The following PKNOX2 variants were observed in gnomAD, a reference collection of about 807,000 sequenced individuals.
PKNOX2 encodes PBX/knotted 1 homeobox 2.
Under a neutral mutation model 53.1 loss-of-function variants are expected in PKNOX2, and 14 were observed. The observed-to-expected ratio is 0.26, with a 90% confidence interval of 0.17 to 0.41. The LOEUF is 0.41. Ranked by LOEUF, PKNOX2 falls within the 10% of genes least tolerant of loss-of-function variation. PKNOX2 has a pLI of 1.00. For missense variants in PKNOX2, 496 were observed against 602.8 expected, an observed-to-expected ratio of 0.82 and a Z score of 1.85; for synonymous variants, 257 against 242.8, an observed-to-expected ratio of 1.06 and a Z score of -0.54.
intron 1 of PKNOX2, among the ~76,000 whole-genome samples, chr11:125,214,230 A>G (rs1324515694): frequency 6.6e-6 from 1 of 151,976 alleles, no homozygotes; most frequent in Non-Finnish European, 1.5e-5. Flanking sequence ...CTGTCATCTG[A>G]GTGGGCTCCA....
At chr11:125,244,618 A>T (rs902365911) in intron 2 of PKNOX2, among the ~76,000 whole-genome samples, 2 of 152,142 alleles carry the variant, frequency 1.3e-5, no homozygotes, top group African/African-American at 4.8e-5. Flanking sequence ...GAGGCTTTTC[A>T]TTACCAAATG....
chr11:125,399,791 C>T (rs1954626919), intron 7 of PKNOX2, among the ~76,000 whole-genome samples: 2 of 152,144 alleles, frequency 1.3e-5, no homozygotes, highest in Admixed American at 1.3e-4. Context: ...GCTGGGGGTG[C>T]ACCAGGGTAG....
intron 6 of PKNOX2, among the ~76,000 whole-genome samples, chr11:125,386,623 T>G (rs1953650414): frequency 6.6e-6 from 1 of 152,094 alleles, no homozygotes; most frequent in South Asian, 2.1e-4. Context: ...GATAGTGCTA[T>G]CCTCTTGCAT....
chr11:125,341,560 C>T (rs1223204790), intron 3 of PKNOX2, among the ~76,000 whole-genome samples: 2 of 152,184 alleles, frequency 1.3e-5, no homozygotes, highest in Non-Finnish European at 2.9e-5. Flanking sequence ...CAAGATGGGA[C>T]ATGCGGGTGA....
chr11:125,416,481 C>G (rs1435484038), intron 10 of PKNOX2, among the ~76,000 whole-genome samples: 3 of 151,824 alleles, frequency 2.0e-5, no homozygotes, highest in Admixed American at 6.6e-5. Context: ...CTTTTGAAAG[C>G]TTTCTACTTA....
At chr11:125,374,987 G>A (rs1171890694) in intron 5 of PKNOX2, among the ~76,000 whole-genome samples, 1 of 152,150 alleles carries the variant, frequency 6.6e-6, no homozygotes, top group Non-Finnish European at 1.5e-5. Context: ...GGCCATGAAG[G>A]TTCATATGGC....
At chr11:125,223,189 C>T (rs1318031332) in intron 1 of PKNOX2, among the ~76,000 whole-genome samples, 2 of 152,012 alleles carry the variant, frequency 1.3e-5, no homozygotes, top group Non-Finnish European at 2.9e-5. Context: ...ACCCTCCATA[C>T]CTCAGTTTAC....
chr11:125,195,634 G>A (rs142659254), intron 1 of PKNOX2, among the ~76,000 whole-genome samples: 106 of 150,806 alleles, frequency 7.0e-4, no homozygotes, highest in African/African-American at 2.5e-3. Context: ...TGAAGACTCG[G>A]TGAGCTGACA....
chr11:125,249,756 C>A (rs1183482111), intron 2 of PKNOX2, among the ~76,000 whole-genome samples: 1 of 152,108 alleles, frequency 6.6e-6, no homozygotes. Flanking sequence ...AAGATAGGAA[C>A]TGGGGCGACA....
chr11:125,378,100 G>C (rs1244432310), intron 5 of PKNOX2, among the ~76,000 whole-genome samples: 3 of 152,208 alleles, frequency 2.0e-5, no homozygotes, highest in African/African-American at 7.2e-5. Flanking sequence ...GTAGTTTCTA[G>C]GCTATTCTCT....
At chr11:125,330,767 T>TCCACCACCCCACCA (rs372280950) in intron 2 of PKNOX2, among the ~76,000 whole-genome samples, 1,900 of 152,256 alleles carry the variant, frequency 0.012, 21 homozygotes, top group African/African-American at 0.032. Context: ...TGTCTAAATT[T>TCCACCACCCCACCA]CCACCACCCC....
rs1938796282 is a variant in PKNOX2 at position 125,204,225 on chromosome 11, G to A, written c.-200-30820G>A. 2.0e-5 allele frequency among the ~76,000 whole-genome samples: 3 copies of A among 152,186 alleles called. No individual in the cohort carries two copies. In the South Asian group the frequency reaches 6.2e-4, roughly 31 times the overall value. Reference sequence around the variant, plus strand: ...AGTTCATGGCTTGGTGGCAAGTTGGGTAGCAGGGCCTTGGTTTTGGAGTTA... The same window carrying A: ...AGTTCATGGCTTGGTGGCAAGTTGGATAGCAGGGCCTTGGTTTTGGAGTTA... On this transcript the variant is annotated intron_variant, in intron 1 of 12. Transcript: ENST00000298282.
intron 10 of PKNOX2, among the ~76,000 whole-genome samples, chr11:125,423,227 G>A (rs1956256114): frequency 6.6e-6 from 1 of 152,132 alleles, no homozygotes; most frequent in Admixed American, 6.5e-5. Context: ...GACAAGACAA[G>A]GATTCAAACC....
At chr11:125,292,454 G>C (rs990859655) in intron 2 of PKNOX2, among the ~76,000 whole-genome samples, 8 of 152,200 alleles carry the variant, frequency 5.3e-5, no homozygotes, top group Non-Finnish European at 1.2e-4. Flanking sequence ...GGGTGGGGTG[G>C]GAGTGAGGGG....
rs771510255 is a variant in PKNOX2 at position 125,351,335 on chromosome 11, T to C, written c.30T>C (p.Ala10=). The change falls in exon 4 of 13, where the codon GCT becomes GCC. Residue 10 remains alanine, a synonymous_variant. Transcript: ENST00000298282. ...TGCAACATGCCTCCCCAGCCCCCGC[T>C]CTGACGATGATGGCCACGCAGAATG... MMQHASPAP[A]LTMMATQNVP... 10 of 1,609,668 alleles carry C rather than the reference T, an allele frequency of 6.2e-6. No individual in the cohort carries two copies. In the African/African-American group the frequency reaches 1.2e-4, roughly 19 times the overall value.
chr11:125,348,018 C>T (rs537422764), intron 3 of PKNOX2, among the ~76,000 whole-genome samples: 30 of 152,132 alleles, frequency 2.0e-4, no homozygotes, highest in Non-Finnish European at 3.5e-4. Context: ...CTCTGAAGCC[C>T]GGGGCTAGGT....
chr11:125,354,211 T>C (rs1173195253), intron 4 of PKNOX2, among the ~76,000 whole-genome samples: 1 of 152,136 alleles, frequency 6.6e-6, no homozygotes, highest in African/African-American at 2.4e-5. Context: ...AGAATGCTCA[T>C]ATCCCCAAGA....
At chr11:125,427,069 G>T (rs1466709451) in intron 10 of PKNOX2, among the ~76,000 whole-genome samples, 1 of 152,228 alleles carries the variant, frequency 6.6e-6, no homozygotes, top group African/African-American at 2.4e-5. Context: ...GCTGCTTTTT[G>T]TCTACAGACC....
chr11:125,198,427 G>A lies in PKNOX2; in HGVS notation c.-201+33651G>A, dbSNP rs144657406. Among the ~76,000 whole-genome samples, 368 of 152,300 alleles carry A rather than the reference G, an allele frequency of 2.4e-3. 3 individuals are homozygous for A. The highest frequency in any genetic ancestry group is 8.5e-3 in the African/African-American group (353 of 41,570). ...CCCCTCTTTACCTGAGGGTAAGAAG[G>A]ACGGTGCATGGGGACAATTTCTCCT... On this transcript the variant is annotated intron_variant, in intron 1 of 12. Coordinates refer to ENST00000298282, the MANE Select transcript of PKNOX2 (RefSeq NM_001382323.2).
Sources: allele counts gnomAD v4.1 joint callset (sites outside exome capture counted in the v4.1 genomes callset), GRCh38; gene constraint gnomAD v4.1.1; transcripts MANE v1.5; gene names NCBI Gene and HGNC (gene_info 2026-07-23, HGNC 2026-07-21).